NRDC: variants seen among roughly 807,000 people sequenced by gnomAD.
The protein encoded by NRDC is nardilysin convertase, also known as nardilysin.
In NRDC, 54 loss-of-function variants were observed where a neutral mutation model predicts 147.1. That is an observed-to-expected ratio of 0.37 (90% CI 0.29 to 0.46). The LOEUF is 0.46. Among genes scored for constraint, NRDC ranks in the 20% least tolerant of loss-of-function variants. The pLI, the probability that NRDC is intolerant of heterozygous loss-of-function variation, is 1.00. For missense variants in NRDC, 1,082 were observed against 1,370.6 expected, an observed-to-expected ratio of 0.79 and a Z score of 3.33; for synonymous variants, 440 against 482.1, an observed-to-expected ratio of 0.91 and a Z score of 1.14.
intron 24 of NRDC, among the ~76,000 whole-genome samples, chr1:51,793,079 T>C (rs1195401029): frequency 6.6e-6 from 1 of 152,238 alleles, no homozygotes; most frequent in Non-Finnish European, 1.5e-5. Flanking sequence ...CTAATGCCTA[T>C]GTGCCCTTGC....
At position 51,792,029 on chromosome 1, in the gene NRDC, C is replaced by A. The variant is rs1296513128; in HGVS notation, c.2876+17G>T. On this transcript the variant is annotated intron_variant, in intron 26 of 30. Coordinates refer to ENST00000352171, the MANE Select transcript of NRDC (RefSeq NM_001101662.2). ...TAGGCCCTTATTTGAGCTCAGTGGC[C>A]CTGCCAGCTGACTTACCCAAGGGTC... 3 of 1,613,948 alleles carry A rather than the reference C, an allele frequency of 1.9e-6. No individual in the cohort carries two copies. The highest frequency in any genetic ancestry group is 3.3e-5 in the Admixed American group (2 of 60,002).
At chr1:51,821,154 C>T (rs74080642) in intron 8 of NRDC, among the ~76,000 whole-genome samples, 14,098 of 152,064 alleles carry the variant, frequency 0.093, 1,239 homozygotes, top group African/African-American at 0.23. Context: ...CAATTTGTCC[C>T]AATACGGGGG....
intron 8 of NRDC, among the ~76,000 whole-genome samples, chr1:51,821,201 A>G (rs1232331450): frequency 6.6e-6 from 1 of 152,062 alleles, no homozygotes; most frequent in Admixed American, 6.6e-5. Context: ...CTCATATAGT[A>G]TTTTCTTTCG....
intron 1 of NRDC, among the ~76,000 whole-genome samples, chr1:51,873,450 C>G (rs1377967431): frequency 6.6e-6 from 1 of 151,774 alleles, no homozygotes; most frequent in Admixed American, 6.6e-5. Context: ...AGCACACACC[C>G]ACCCATTATT....
chr1:51,826,926 A>G (rs1462829637), intron 5 of NRDC, among the ~76,000 whole-genome samples: 4 of 152,242 alleles, frequency 2.6e-5, no homozygotes, highest in African/African-American at 9.6e-5. Context: ...TAAGACACAG[A>G]TAACAGTTCT....
rs546132121 is a variant in NRDC, at chr1:51,815,722, C to A, written c.1439+590G>T. ...TAAATGTCTCATCTATCCTTCCATT[C>A]TCATACTATTCATTTATAGAAAAAT... is the stretch of plus-strand genomic sequence containing the variant. On this transcript the variant is annotated intron_variant, in intron 11 of 30. Transcript: ENST00000352171. Among the ~76,000 whole-genome samples, 43 of 152,280 alleles carry A rather than the reference C, an allele frequency of 2.8e-4. 1 individual carries two copies. In the South Asian group the frequency reaches 3.5e-3, roughly 12 times the overall value.
At chr1:51,814,203 G>T in intron 13 of NRDC, 114 bp from the exon 14 acceptor site, 1 of 652,546 alleles carries the variant, frequency 1.5e-6, no homozygotes, top group Non-Finnish European at 2.7e-6. Flanking sequence ...AGTAGGCTTA[G>T]TACCTGGGTG....
intron 28 of NRDC, 95 bp downstream of exon 28, chr1:51,790,805 G>T: frequency 9.2e-7 from 1 of 1,085,906 alleles, no homozygotes; most frequent in Non-Finnish European, 1.4e-6. Flanking sequence ...AGGTGGGGCT[G>T]CAAAGCTCAA....
chr1:51,832,691 T>C (rs1571879655), intron 4 of NRDC, among the ~76,000 whole-genome samples: 1 of 152,168 alleles, frequency 6.6e-6, no homozygotes, highest in African/African-American at 2.4e-5. Flanking sequence ...ACTTCTACTA[T>C]TGTACTGACA....
chr1:51,795,679 C>A (rs1678866212), intron 22 of NRDC: 1 of 156,280 alleles, frequency 6.4e-6, no homozygotes. Context: ...GAGGAAAAGG[C>A]CTTAGTCAGG....
intron 14 of NRDC, among the ~76,000 whole-genome samples, chr1:51,813,773 T>C (rs1272539839): frequency 6.6e-6 from 1 of 152,250 alleles, no homozygotes; most frequent in Admixed American, 6.5e-5. Flanking sequence ...AAGGGATAGA[T>C]GGATGACTAT....
chr1:51,844,865 GGAAGGAA>G, intron 1 of NRDC, among the ~76,000 whole-genome samples: 1 of 138,940 alleles, frequency 7.2e-6, no homozygotes, highest in Non-Finnish European at 1.6e-5. Flanking sequence ...AAGGAAGGAA[GGAAGGAA>G]GGAAGGAAGG....
intron 4 of NRDC, among the ~76,000 whole-genome samples, 198 bp from the exon 5 acceptor site, chr1:51,828,067 A>G (rs1265178765): frequency 6.6e-6 from 1 of 152,242 alleles, no homozygotes; most frequent in Non-Finnish European, 1.5e-5. Flanking sequence ...AATATATTTA[A>G]TAACAATCAT....
At chr1:51,817,360 C>A (rs1351673524) in intron 10 of NRDC, among the ~76,000 whole-genome samples, 1 of 128,794 alleles carries the variant, frequency 7.8e-6, no homozygotes, top group African/African-American at 2.9e-5. Flanking sequence ...TTATTTCTAA[C>A]TGGAAAAGCA....
At chr1:51,813,920 T>C (rs1679839594) in intron 14 of NRDC, 115 bp downstream of exon 14, 9 of 729,896 alleles carry the variant, frequency 1.2e-5, no homozygotes, top group Non-Finnish European at 2.1e-5. Flanking sequence ...GAGACTCACA[T>C]GACACAGAAT....
Position 51,790,637 on chromosome 1 carries a change from T to C in NRDC, c.3064A>G (p.Ile1022Val), listed in dbSNP as rs150848799. 8 of 1,611,550 alleles carry C rather than the reference T, an allele frequency of 5.0e-6. No individual in the cohort carries two copies. The Admixed American group carries it at 1.3e-4, about 27-fold the overall frequency. ...EAFNTQVTAL[I>V]KLKECEDTHL... ...GTATCCTCACACTCCTTCAGCTTGA[T>C]GAGAGCTGTGACCTGTTCCCACCAA... is the stretch of plus-strand genomic sequence containing the variant. Residue 1022 changes from isoleucine (I) to valine (V), a missense_variant, in exon 29 of 31, where the codon ATC becomes GTC. Ile to Val is a conservative substitution (Grantham distance 29). Around this residue, in one of 3 missense-constraint regions of NRDC, gnomAD observed 187 missense variants for 193.6 expected, o/e 0.97. Coordinates refer to ENST00000352171, the MANE Select transcript of NRDC (RefSeq NM_001101662.2).
chr1:51,825,407 A>C, intron 5 of NRDC, 25 bp from the exon 6 acceptor site: 1 of 1,512,580 alleles, frequency 6.6e-7, no homozygotes, highest in South Asian at 1.2e-5. Flanking sequence ...TAAACACATA[A>C]TAAAACAAAA....
rs142297897 is a variant in NRDC, at chr1:51,854,561, A to G, written c.342-14047T>C. Among the ~76,000 whole-genome samples, 1,316 of 152,300 alleles carry G rather than the reference A, an allele frequency of 8.6e-3. 8 individuals carry two copies. Among genetic ancestry groups the G allele is most frequent in the Non-Finnish European group, 0.013 (863 of 68,028 alleles). Reference sequence around the variant, plus strand: ...GGAAAATCTTCAGTTATTTCAAAGGAAACTTCAGGCACCTAGCTAGCCCTG... The same window carrying G: ...GGAAAATCTTCAGTTATTTCAAAGGGAACTTCAGGCACCTAGCTAGCCCTG... On this transcript the variant is annotated intron_variant, in intron 1 of 30. Coordinates refer to ENST00000352171, the MANE Select transcript of NRDC (RefSeq NM_001101662.2).
chr1:51,855,249 G>A (rs1034947372), intron 1 of NRDC, among the ~76,000 whole-genome samples: 1 of 152,142 alleles, frequency 6.6e-6, no homozygotes, highest in African/African-American at 2.4e-5. Flanking sequence ...GGGAGGTCAG[G>A]ATTTAAGCAT....
Sources: allele counts gnomAD v4.1 joint callset (sites outside exome capture counted in the v4.1 genomes callset), GRCh38; gene constraint gnomAD v4.1.1; regional missense constraint gnomAD v4.1.1; transcripts MANE v1.5; gene names NCBI Gene and HGNC (gene_info 2026-07-23, HGNC 2026-07-21).